Variants in IL9R observed in about 807,000 individuals in gnomAD.
The protein encoded by IL9R is interleukin 9 receptor, also known as interleukin-9 receptor.
In IL9R, 54 loss-of-function variants were observed where a neutral mutation model predicts 56.3. The ratio of observed to expected loss-of-function variants is 0.96; its 90% CI spans 0.77 to 1.20. IL9R has a LOEUF of 1.20. Ranked by LOEUF, IL9R falls within the 50% of genes most tolerant of loss-of-function variation. The pLI is 0.00. For synonymous variants in IL9R, 212 were observed against 250.2 expected, an observed-to-expected ratio of 0.85 and a Z score of 1.44; for missense variants, 545 against 629.8, an observed-to-expected ratio of 0.87 and a Z score of 1.44.
Position 156,003,869 on chromosome X carries a change from A to C in IL9R, c.433+14A>C. 1 of 1,613,654 alleles carries C rather than the reference A, an allele frequency of 6.2e-7. No individual in the cohort carries two copies. Among genetic ancestry groups the C allele is most frequent in the South Asian group, 1.1e-5 (1 of 91,050 alleles). ...CCCGGAGACACGGTGAGCAGCAGCTATAGGTCTGGGGCGGGGCCGCTTGGC... is the reference window on the plus strand; with the variant it reads ...CCCGGAGACACGGTGAGCAGCAGCTCTAGGTCTGGGGCGGGGCCGCTTGGC... On this transcript the variant is annotated intron_variant, in intron 4 of 8. Coordinates refer to ENST00000244174, the MANE Select transcript of IL9R (RefSeq NM_002186.3).
intron 6 of IL9R, 100 bp from the exon 7 acceptor site, chrX:156,005,983 T>G (rs2067907264): frequency 2.9e-6 from 2 of 695,386 alleles, no homozygotes; most frequent in Non-Finnish European, 5.1e-6. Flanking sequence ...ACCTTCCACT[T>G]TGGCCCAGGG....
At chrX:156,003,651 G>C (rs763954070) in intron 3 of IL9R, 26 bp from the exon 4 acceptor site, 1 of 1,612,028 alleles carries the variant, frequency 6.2e-7, no homozygotes, top group Non-Finnish European at 8.5e-7. Context: ...TAGCAGCCCC[G>C]TGGTGCTGAC....
intron 5 of IL9R, 88 bp downstream of exon 5, chrX:156,004,653 A>T: frequency 7.5e-7 from 1 of 1,341,878 alleles, no homozygotes; most frequent in Non-Finnish European, 1.1e-6. Context: ...GGGAGATGTC[A>T]ACTTGTAGTG....
In IL9R at chrX:156,003,816, G is replaced by A. The variant is rs766302149; in HGVS notation, c.394G>A (p.Val132Ile). The change falls in exon 4 of 9, where the codon GTC (valine) becomes ATC (isoleucine). Residue 132 changes from valine to isoleucine, a missense_variant. This residue lies in a region of IL9R where 431 missense variants were observed against 360.0 expected (regional missense o/e 1.20). Coordinates refer to ENST00000244174, the MANE Select transcript of IL9R (RefSeq NM_002186.3). ...FHHCMSGREQ[V>I]SLVDPEYLPR... The stretch of plus-strand genomic sequence containing the variant: ...CCACTGCATGTCTGGGAGGGAGCAG[G>A]TCAGCCTGGTGGACCCGGAGTACCT... 3 of 1,614,000 alleles carry A rather than the reference G, an allele frequency of 1.9e-6. No homozygotes were observed. Among genetic ancestry groups the A allele is most frequent in the Admixed American group, 1.7e-5 (1 of 60,014 alleles).
At position 156,003,758 on chromosome X, in the gene IL9R, C is replaced by T. The variant is rs760486109; in HGVS notation, c.336C>T (p.Leu112=). ...CTVVLPPEAV[L]VPSDNFTITF... ...TCGTGCTGCCACCTGAGGCAGTGCT[C>T]GTGCCATCTGACAATTTCACCATCA... The change falls in exon 4 of 9, where the codon CTC becomes CTT. Residue 112 remains leucine, a synonymous_variant. Coordinates refer to ENST00000244174, the MANE Select transcript of IL9R (RefSeq NM_002186.3). 8.7e-6 allele frequency: 14 copies of T among 1,613,856 alleles called. No individual in the cohort carries two copies. Among genetic ancestry groups the T allele is most frequent in the African/African-American group, 2.7e-5 (2 of 74,938 alleles).
At chrX:156,005,654 C>CCT (rs1379501370) in intron 6 of IL9R, among the ~76,000 whole-genome samples, 175 bp downstream of exon 6, 1 of 152,138 alleles carries the variant, frequency 6.6e-6, no homozygotes, top group Non-Finnish European at 1.5e-5. Context: ...GACAGAAACA[C>CCT]CTGCCAACTC....
At chrX:156,004,354 G>T in intron 4 of IL9R, 66 bp from the exon 5 acceptor site, 1 of 1,553,022 alleles carries the variant, frequency 6.4e-7, no homozygotes, top group Non-Finnish European at 8.9e-7. Context: ...CCCCAGTCTT[G>T]TGTGTTCTGA....
At chrX:156,002,247 G>A (rs1297905321) in intron 1 of IL9R, among the ~76,000 whole-genome samples, 1 of 152,110 alleles carries the variant, frequency 6.6e-6, no homozygotes, top group Non-Finnish European at 1.5e-5. Flanking sequence ...CTACTCGGGA[G>A]GCTGAGGCAG....
intron 2 of IL9R, 78 bp downstream of exon 2, chrX:156,003,097 C>G: frequency 1.3e-6 from 2 of 1,580,792 alleles, no homozygotes; most frequent in Non-Finnish European, 1.7e-6. Context: ...TGTCCGATGT[C>G]AAGCCTCTAG....
At chrX:156,004,736 G>T (rs1334910405) in intron 5 of IL9R, among the ~76,000 whole-genome samples, 171 bp downstream of exon 5, 2 of 152,202 alleles carry the variant, frequency 1.3e-5, no homozygotes, top group African/African-American at 4.8e-5. Context: ...TATGCTTTAT[G>T]TGTGTGTATG....
intron 8 of IL9R, among the ~76,000 whole-genome samples, chrX:156,008,573 T>C (rs1301082571): frequency 6.6e-6 from 1 of 152,238 alleles, no homozygotes; most frequent in Non-Finnish European, 1.5e-5. Flanking sequence ...GACTGTCCCC[T>C]GGACTGTCAT....
At chrX:156,003,417 T>C in intron 2 of IL9R, 32 bp from the exon 3 acceptor site, 3 of 1,493,734 alleles carry the variant, frequency 2.0e-6, no homozygotes, top group Non-Finnish European at 2.8e-6. Flanking sequence ...CTGAAGTACT[T>C]ACCGTGGGCT....
intron 1 of IL9R, among the ~76,000 whole-genome samples, chrX:155,998,490 C>T (rs2067289990): frequency 1.3e-5 from 2 of 152,110 alleles, no homozygotes; most frequent in Admixed American, 1.3e-4. Context: ...TTTTCTCTTC[C>T]TGTGATTTAT....
At position 156,009,833 on chromosome X, in the gene IL9R, C is replaced by T. The variant is rs769779923; in HGVS notation, c.990C>T (p.His330=). 9.0e-6 allele frequency: 13 copies of T among 1,437,748 alleles called. 4 individuals carry two copies. The African/African-American group carries it at 9.4e-5, about 10-fold the overall frequency. 89.1% of individuals were successfully genotyped at this position (1,437,748 alleles called of 1,614,324 possible). The change falls in exon 9 of 9, where the codon CAC becomes CAT. Residue 330 remains histidine, a synonymous_variant. Transcript: ENST00000244174. ...TGTTCCAGACTTGGATGGGGGCCCA[C>T]GGGGCCGGTGTGCTGTTGAGCCAGG... ...NGNFQTWMGA[H]GAGVLLSQDC...
chrX:156,002,170 C>T (rs1457189325), intron 1 of IL9R, among the ~76,000 whole-genome samples: 1 of 148,868 alleles, frequency 6.7e-6, no homozygotes, highest in East Asian at 2.0e-4. Context: ...GGTGAAACCC[C>T]GTCTCTACTA....
chrX:156,007,507 C>G lies in IL9R; in HGVS notation c.888-16C>G, dbSNP rs778839437. ...TGGGTCGCCATAGGCCTCTGACTGG[C>G]CTCTCTTGGCCTCAGGGTGAAGAGA... is the stretch of plus-strand genomic sequence containing the variant. On this transcript the variant is annotated splice_polypyrimidine_tract_variant and intron_variant, in intron 7 of 8. Transcript: ENST00000244174. 2.1e-5 allele frequency: 22 copies of G among 1,049,062 alleles called. No individual in the cohort carries two copies. In the South Asian group the frequency reaches 2.8e-4, roughly 14 times the overall value. The allele number at this position is 1,049,062 out of a possible 1,614,324, so 65.0% of individuals were successfully genotyped here.
rs968545437 is a variant in IL9R, at chrX:156,006,201, T to C, written c.887+13T>C. On this transcript the variant is annotated intron_variant, in intron 7 of 8. Transcript: ENST00000244174. The stretch of plus-strand genomic sequence containing the variant: ...AGCTGTCGCCCAGGTAGGTGGCTGA[T>C]GTGTGCGTGTGTGTACATGTGTGAG... The C allele has an allele frequency of 5.5e-6, 5 of 904,880 alleles. No individual in the cohort carries two copies. The highest frequency in any genetic ancestry group is 2.0e-5 in the African/African-American group (1 of 50,342). The allele number at this position is 904,880 out of a possible 1,614,324, so 56.1% of individuals were successfully genotyped here. A position where few individuals can be genotyped will look rare whatever the true frequency, so the allele number is the denominator to read the frequency against.
At chrX:156,002,877 C>T in intron 1 of IL9R, 29 bp from the exon 2 acceptor site, 3 of 1,613,356 alleles carry the variant, frequency 1.9e-6, no homozygotes, top group East Asian at 2.2e-5. Context: ...GGATGATTTG[C>T]ACAGGGCCCT....
chrX:156,004,480 C>T lies in IL9R; in HGVS notation c.494C>T (p.Thr165Ile). 1.2e-6 allele frequency: 2 copies of T among 1,613,854 alleles called. No individual in the cohort carries two copies. Among genetic ancestry groups the T allele is most frequent in the African/African-American group, 1.3e-5 (1 of 75,042 alleles). Reference protein sequence around the residue: ...SNISSGHCILTWSISPALEPM... With the variant: ...SNISSGHCILIWSISPALEPM... ...ATCAGTTCTGGCCACTGCATCCTGA[C>T]CTGGAGCATCAGTCCTGCCTTGGAG... The change falls in exon 5 of 9, where the codon ACC (threonine) becomes ATC (isoleucine). Residue 165 changes from threonine (T) to isoleucine (I), a missense_variant. Around this residue, in one of 2 missense-constraint regions of IL9R, gnomAD observed 431 missense variants for 360.0 expected, o/e 1.20. Coordinates refer to ENST00000244174, the MANE Select transcript of IL9R (RefSeq NM_002186.3).
Sources: gnomAD v4.1 joint callset for allele counts (sites outside exome capture counted in the v4.1 genomes callset) on GRCh38, gnomAD v4.1.1 for gene constraint, gnomAD v4.1.1 regional missense constraint, MANE v1.5 for transcripts, NCBI Gene and HGNC (gene_info 2026-07-23, HGNC 2026-07-21) for gene names.